TSPAN2: variants seen among roughly 807,000 people sequenced by gnomAD.
The protein encoded by TSPAN2 is tetraspanin 2, also known as tetraspanin-2.
Under a neutral mutation model 33.3 loss-of-function variants are expected in TSPAN2, and 24 were observed. That is an observed-to-expected ratio of 0.72 (90% CI 0.52 to 1.01). The LOEUF (loss-of-function observed/expected upper bound fraction) is 1.01. Among genes scored for constraint, TSPAN2 ranks in the 50% least tolerant of loss-of-function variants. The pLI is 0.00. For missense variants in TSPAN2, 278 were observed against 281.3 expected (o/e 0.99, Z 0.08); for synonymous variants, 114 against 104.5 (o/e 1.09, Z -0.56).
At chr1:115,081,564 T>C (rs1455448924) in intron 1 of TSPAN2, among the ~76,000 whole-genome samples, 3 of 152,226 alleles carry the variant, frequency 2.0e-5, no homozygotes, top group African/African-American at 7.2e-5. Context: ...ATGGGGGTTC[T>C]ACGCATTTGG....
At chr1:115,052,164 G>A (rs1188768381) in intron 7 of TSPAN2, among the ~76,000 whole-genome samples, 3 of 152,194 alleles carry the variant, frequency 2.0e-5, no homozygotes, top group African/African-American at 4.8e-5. Context: ...CAGAGCAGGT[G>A]GGGAGGACCT....
chr1:115,068,351 A>G lies in TSPAN2; in HGVS notation c.172+4554T>C, dbSNP rs184802610. Among the ~76,000 whole-genome samples, 4 of 152,342 alleles carry G rather than the reference A, an allele frequency of 2.6e-5. No homozygotes were observed. The East Asian group carries it at 7.7e-4, about 29-fold the overall frequency. On this transcript the variant is annotated intron_variant, in intron 2 of 7. Transcript: ENST00000369516. ...GCCAGAAAGGAAAGCTTCCCCCAGAAGATGGGACAATTTCCCTTACAAAGT... is the reference window on the plus strand; with the variant it reads ...GCCAGAAAGGAAAGCTTCCCCCAGAGGATGGGACAATTTCCCTTACAAAGT...
rs1170452198 is a variant in TSPAN2 at position 115,089,486 on chromosome 1, G to A, written c.-54C>T. 1.9e-5 allele frequency: 25 copies of A among 1,340,088 alleles called. No individual in the cohort carries two copies. The highest frequency in any genetic ancestry group is 2.4e-4 in the Middle Eastern group (1 of 4,088). 83.0% of individuals were successfully genotyped at this position (1,340,088 alleles called of 1,614,324 possible). A position where few individuals can be genotyped will look rare whatever the true frequency, so the allele number is the denominator to read the frequency against. On this transcript the variant is annotated 5_prime_UTR_variant, in exon 1 of 8. Transcript: ENST00000369516. ...CCCCAGGCCCGCGCTACGAGCGCGG[G>A]GAGCGGCAGGCTCCGGCGGGGAGGG...
chr1:115,089,483 C>G lies in TSPAN2; in HGVS notation c.-51G>C, dbSNP rs753155126. 4 of 1,206,120 alleles carry G rather than the reference C, an allele frequency of 3.3e-6. No homozygotes were observed. In the Admixed American group the frequency reaches 1.4e-4, roughly 41 times the overall value. The allele number at this position is 1,206,120 out of a possible 1,614,324, so 74.7% of individuals were successfully genotyped here. ...AGTCCCCAGGCCCGCGCTACGAGCG[C>G]GGGGAGCGGCAGGCTCCGGCGGGGA... On this transcript the variant is annotated 5_prime_UTR_variant, in exon 1 of 8. Transcript: ENST00000369516.
intron 2 of TSPAN2, among the ~76,000 whole-genome samples, chr1:115,072,108 T>C (rs2101038837): frequency 1.3e-5 from 2 of 152,272 alleles, no homozygotes; most frequent in South Asian, 4.1e-4. Flanking sequence ...TCCACTTAGC[T>C]GGGGAATGAG....
intron 1 of TSPAN2, among the ~76,000 whole-genome samples, chr1:115,074,734 C>T (rs749268137): frequency 2.6e-4 from 39 of 152,256 alleles, no homozygotes; most frequent in Non-Finnish European, 4.4e-4. Context: ...AAGTGTTACA[C>T]GGTAGTTTCT....
chr1:115,089,065 C>T (rs1648954917), intron 1 of TSPAN2, among the ~76,000 whole-genome samples: 1 of 152,024 alleles, frequency 6.6e-6, no homozygotes, highest in South Asian at 2.1e-4. Flanking sequence ...GGTCCCCGCA[C>T]CTGGGGTCAC....
intron 2 of TSPAN2, among the ~76,000 whole-genome samples, chr1:115,070,296 T>C (rs1313630244): frequency 6.6e-6 from 1 of 152,138 alleles, no homozygotes; most frequent in Non-Finnish European, 1.5e-5. Context: ...TATCTTTCTG[T>C]TTCTTTCTTC....
chr1:115,074,317 T>A lies in TSPAN2; in HGVS notation c.70-1310A>T, dbSNP rs978600083. Among the ~76,000 whole-genome samples the A allele has an allele frequency of 5.9e-5, 9 of 152,322 alleles. No individual in the cohort carries two copies. In the East Asian group the frequency reaches 1.7e-3, roughly 29 times the overall value. On this transcript the variant is annotated intron_variant, in intron 1 of 7. Coordinates refer to ENST00000369516, the MANE Select transcript of TSPAN2 (RefSeq NM_005725.6). Reference sequence around the variant, plus strand: ...GCCTTCTGGACGATCTGGCTGGATTTCTATGAGGACTTTATCCCTCTTCTC... The same window carrying A: ...GCCTTCTGGACGATCTGGCTGGATTACTATGAGGACTTTATCCCTCTTCTC...
At chr1:115,061,524 C>T (rs1031959022) in intron 3 of TSPAN2, among the ~76,000 whole-genome samples, 2 of 152,222 alleles carry the variant, frequency 1.3e-5, no homozygotes, top group Admixed American at 6.5e-5. Context: ...TTAGCTGCCT[C>T]ACCCACTGTG....
At chr1:115,085,651 C>T (rs983552906) in intron 1 of TSPAN2, among the ~76,000 whole-genome samples, 7 of 152,132 alleles carry the variant, frequency 4.6e-5, no homozygotes, top group African/African-American at 9.7e-5. Flanking sequence ...AAACTTCCCA[C>T]GAAGCCCTCC....
At chr1:115,062,275 G>A (rs775740129) in intron 2 of TSPAN2, 43 bp from the exon 3 acceptor site, 3 of 1,490,966 alleles carry the variant, frequency 2.0e-6, no homozygotes, top group Non-Finnish European at 2.8e-6. Flanking sequence ...AGCCAACCGA[G>A]TGCCTCCACG....
At position 115,048,595 on chromosome 1, in the gene TSPAN2, G is replaced by C. The variant is rs1424123061; in HGVS notation, c.*1895C>G. ...ATAGGAAACTAAACTCACTTTTGTGGAATCAGAGATGATTCTGAGTTGGAA... is the reference window on the plus strand; with the variant it reads ...ATAGGAAACTAAACTCACTTTTGTGCAATCAGAGATGATTCTGAGTTGGAA... On this transcript the variant is annotated 3_prime_UTR_variant, in exon 8 of 8. Coordinates refer to ENST00000369516, the MANE Select transcript of TSPAN2 (RefSeq NM_005725.6). The C allele has an allele frequency of 6.6e-6, 1 of 151,700 alleles. No individual in the cohort carries two copies. Among genetic ancestry groups the C allele is most frequent in the African/African-American group, 2.4e-5 (1 of 41,268 alleles). 9.4% of individuals were successfully genotyped at this position (151,700 alleles called of 1,614,324 possible).
chr1:115,069,695 G>A (rs947819296), intron 2 of TSPAN2, among the ~76,000 whole-genome samples: 6 of 152,226 alleles, frequency 3.9e-5, no homozygotes, highest in Non-Finnish European at 7.3e-5. Context: ...GTCAATTTGA[G>A]TAGGTGTCTG....
chr1:115,053,264 C>A (rs1389812402), intron 7 of TSPAN2, 115 bp downstream of exon 7: 2 of 874,588 alleles, frequency 2.3e-6, no homozygotes, highest in East Asian at 2.7e-5. Flanking sequence ...GAACAAAGGT[C>A]TTTTTTCTTT....
At chr1:115,081,882 C>T (rs951129394) in intron 1 of TSPAN2, among the ~76,000 whole-genome samples, 1 of 152,212 alleles carries the variant, frequency 6.6e-6, no homozygotes, top group Non-Finnish European at 1.5e-5. Flanking sequence ...GATCCACACT[C>T]CCTCTTTCCA....
intron 1 of TSPAN2, among the ~76,000 whole-genome samples, chr1:115,084,699 A>G (rs1648764946): frequency 1.3e-5 from 2 of 152,286 alleles, no homozygotes; most frequent in Non-Finnish European, 2.9e-5. Flanking sequence ...TCCTAAACCA[A>G]TGTCTCTGAC....
intron 2 of TSPAN2, 44 bp from the exon 3 acceptor site, chr1:115,062,276 T>C: frequency 6.7e-7 from 1 of 1,489,918 alleles, no homozygotes; most frequent in South Asian, 1.2e-5. Flanking sequence ...GCCAACCGAG[T>C]GCCTCCACGA....
Position 115,057,626 on chromosome 1 carries a change from A to G in TSPAN2, c.445-18T>C. On this transcript the variant is annotated intron_variant, in intron 5 of 7. Coordinates refer to ENST00000369516, the MANE Select transcript of TSPAN2 (RefSeq NM_005725.6). ...CACTGAAACTAGAGAGTCAGAAAAG[A>G]GACTTCAGGACCAGGCGGGAGGAGT... The G allele has an allele frequency of 1.2e-6, 2 of 1,613,480 alleles. No individual in the cohort carries two copies. The highest frequency in any genetic ancestry group is 1.7e-6 in the Non-Finnish European group (2 of 1,179,522).
Sources: allele counts gnomAD v4.1 joint callset (sites outside exome capture counted in the v4.1 genomes callset), GRCh38; gene constraint gnomAD v4.1.1; transcripts MANE v1.5; gene names NCBI Gene and HGNC (gene_info 2026-07-23, HGNC 2026-07-21).